The following CABCOCO1 variants were observed in gnomAD, a reference collection of about 807,000 sequenced individuals.
CABCOCO1 encodes ciliary-associated calcium-binding coiled-coil protein 1.
CABCOCO1 carries 28 observed loss-of-function variants against 35.7 expected under a neutral mutation model. The ratio of observed to expected loss-of-function variants is 0.78; its 90% CI spans 0.58 to 1.07. The LOEUF (loss-of-function observed/expected upper bound fraction) is 1.07. Among genes scored for constraint, CABCOCO1 ranks in the 50% least tolerant of loss-of-function variants. CABCOCO1 has a pLI of 0.00. For synonymous variants in CABCOCO1, 95 were observed against 100.1 expected (o/e 0.95, Z 0.30); for missense variants, 326 against 309.2 (o/e 1.05, Z -0.41).
At chr10:61,730,090 A>T (rs1279077203) in intron 5 of CABCOCO1, among the ~76,000 whole-genome samples, 1 of 152,016 alleles carries the variant, frequency 6.6e-6, no homozygotes, top group African/African-American at 2.4e-5. Context: ...CTCACCACTA[A>T]AAGTAAAATA....
chr10:61,683,097 G>C (rs1839849028), intron 3 of CABCOCO1, among the ~76,000 whole-genome samples: 1 of 152,092 alleles, frequency 6.6e-6, no homozygotes, highest in East Asian at 1.9e-4. Flanking sequence ...CGCCATGTTG[G>C]CCTGGCTGGT....
chr10:61,732,459 T>C (rs1841325341), intron 5 of CABCOCO1, among the ~76,000 whole-genome samples: 1 of 141,442 alleles, frequency 7.1e-6, no homozygotes, highest in South Asian at 2.3e-4. Flanking sequence ...ACATTAAATC[T>C]ATCAATAGTT....
chr10:61,702,860 C>T (rs12245377), intron 5 of CABCOCO1, among the ~76,000 whole-genome samples: 1 of 150,524 alleles, frequency 6.6e-6, no homozygotes, highest in South Asian at 2.1e-4. Flanking sequence ...GAGAAACTTT[C>T]TATGCAAATT....
At chr10:61,715,134 T>C (rs1163992433) in intron 5 of CABCOCO1, among the ~76,000 whole-genome samples, 1 of 152,150 alleles carries the variant, frequency 6.6e-6, no homozygotes, top group Non-Finnish European at 1.5e-5. Context: ...CCATTATTAT[T>C]GTGTGGGAGT....
chr10:61,686,324 G>C, intron 4 of CABCOCO1, 139 bp downstream of exon 4: 1 of 637,544 alleles, frequency 1.6e-6, no homozygotes, highest in South Asian at 2.8e-5. Context: ...CAATAATTAG[G>C]TACTTAAATC....
intron 5 of CABCOCO1, among the ~76,000 whole-genome samples, chr10:61,755,590 T>A (rs1351272456): frequency 6.6e-6 from 1 of 152,118 alleles, no homozygotes; most frequent in African/African-American, 2.4e-5. Flanking sequence ...TGAGCAGATT[T>A]ATCTTGCTTT....
chr10:61,740,524 G>C (rs1304582988), intron 5 of CABCOCO1, among the ~76,000 whole-genome samples: 1 of 152,172 alleles, frequency 6.6e-6, no homozygotes, highest in African/African-American at 2.4e-5. Flanking sequence ...TATTTTTGAA[G>C]ACTTGGAATA....
intron 2 of CABCOCO1, among the ~76,000 whole-genome samples, chr10:61,679,897 G>A (rs889086482): frequency 1.3e-5 from 2 of 151,864 alleles, no homozygotes; most frequent in Non-Finnish European, 2.9e-5. Flanking sequence ...AGAAATAAAA[G>A]ATTATAAAAC....
chr10:61,679,319 A>ATATC (rs772071313), intron 2 of CABCOCO1, among the ~76,000 whole-genome samples: 11 of 104,018 alleles, frequency 1.1e-4, no homozygotes, highest in South Asian at 7.8e-4. Flanking sequence ...ATCTATATCT[A>ATATC]TATCTATATC....
At chr10:61,686,947 C>T (rs1839983612) in intron 4 of CABCOCO1, among the ~76,000 whole-genome samples, 1 of 152,100 alleles carries the variant, frequency 6.6e-6, no homozygotes, top group South Asian at 2.1e-4. Context: ...AAGCTGAAAG[C>T]TTCTGCATAA....
At chr10:61,698,855 GA>G (rs927436409) in intron 5 of CABCOCO1, among the ~76,000 whole-genome samples, 3 of 151,546 alleles carry the variant, frequency 2.0e-5, no homozygotes, top group Non-Finnish European at 4.4e-5. Context: ...ACCCTTTTAA[GA>G]AAAAAAAGAC....
At chr10:61,764,877 A>G (rs1456625176) in intron 7 of CABCOCO1, among the ~76,000 whole-genome samples, 2 of 152,292 alleles carry the variant, frequency 1.3e-5, no homozygotes, top group East Asian at 3.9e-4. Flanking sequence ...GTGAAATCAA[A>G]TCTCATCAGA....
At chr10:61,681,068 G>T in intron 2 of CABCOCO1, 75 bp from the exon 3 acceptor site, 1 of 913,212 alleles carries the variant, frequency 1.1e-6, no homozygotes, top group Non-Finnish European at 1.4e-6. Context: ...AAAAAGACCT[G>T]TTTTCAAAAC....
At chr10:61,690,783 C>T (rs546397358) in intron 5 of CABCOCO1, among the ~76,000 whole-genome samples, 162 bp downstream of exon 5, 6 of 152,068 alleles carry the variant, frequency 3.9e-5, no homozygotes, top group African/African-American at 1.2e-4. Context: ...ATAAAGTGAT[C>T]GTTGCATTAG....
chr10:61,753,936 G>T (rs557992141), intron 5 of CABCOCO1, among the ~76,000 whole-genome samples: 1 of 152,222 alleles, frequency 6.6e-6, no homozygotes, highest in African/African-American at 2.4e-5. Context: ...GGCTGCTTGA[G>T]CAGTGTTAAC....
At chr10:61,671,358 G>A (rs1839355301) in intron 1 of CABCOCO1, among the ~76,000 whole-genome samples, 2 of 151,986 alleles carry the variant, frequency 1.3e-5, no homozygotes, top group African/African-American at 2.4e-5. Flanking sequence ...GTACAGTTAT[G>A]CAGGTTGTGC....
chr10:61,680,627 AC>A (rs1839722500), intron 2 of CABCOCO1, among the ~76,000 whole-genome samples: 2 of 73,006 alleles, frequency 2.7e-5, no homozygotes, highest in African/African-American at 1.1e-4. Context: ...CATAACATAT[AC>A]ATGTTATACA....
At chr10:61,765,829 G>A in intron 7 of CABCOCO1, 110 bp from the exon 8 acceptor site, 4 of 935,200 alleles carry the variant, frequency 4.3e-6, no homozygotes, top group Non-Finnish European at 6.5e-6. Flanking sequence ...AGGAAGGTGT[G>A]TGAGGGATAA....
chr10:61,726,844 G>A (rs939598299), intron 5 of CABCOCO1, among the ~76,000 whole-genome samples: 2 of 150,606 alleles, frequency 1.3e-5, no homozygotes, highest in African/African-American at 2.5e-5. Flanking sequence ...GATCACCTGA[G>A]GTCAGGAGTT....
Sources: allele counts gnomAD v4.1 joint callset (sites outside exome capture counted in the v4.1 genomes callset), GRCh38; gene constraint gnomAD v4.1.1; transcripts MANE v1.5; gene names NCBI Gene and HGNC (gene_info 2026-07-23, HGNC 2026-07-21).